ATP6V1C2: variants seen among roughly 807,000 people sequenced by gnomAD.
The protein encoded by ATP6V1C2 is V-type proton ATPase subunit C 2.
ATP6V1C2 carries 45 observed loss-of-function variants against 56.8 expected under a neutral mutation model. The observed-to-expected ratio is 0.79, with a 90% CI of 0.62 to 1.02. ATP6V1C2 has a LOEUF of 1.02. ATP6V1C2 is among the 50% of genes least tolerant of loss of function. ATP6V1C2 has a pLI of 0.00. For synonymous variants in ATP6V1C2, 220 were observed against 201.3 expected (o/e 1.09, Z -0.79); for missense variants, 463 against 519.7 (o/e 0.89, Z 1.06).
intron 10 of ATP6V1C2, among the ~76,000 whole-genome samples, chr2:10,777,238 G>A (rs1398034414): frequency 6.6e-6 from 1 of 152,262 alleles, no homozygotes; most frequent in East Asian, 1.9e-4. Context: ...AGCGCAGAGA[G>A]CCGTTTCCAC....
chr2:10,774,920 G>T, intron 9 of ATP6V1C2, 40 bp downstream of exon 9: 4 of 1,611,652 alleles, frequency 2.5e-6, no homozygotes, highest in Non-Finnish European at 3.4e-6. Context: ...CCGCTGCGGG[G>T]GGTCTCTGCC....
upstream of ATP6V1C2, among the ~76,000 whole-genome samples, chr2:10,721,120 G>A (rs1017949357): frequency 6.6e-6 from 1 of 152,152 alleles, no homozygotes; most frequent in African/African-American, 2.4e-5. Flanking sequence ...GAAAAGCTTC[G>A]CTGTCTACGC....
At chr2:10,775,620 C>A (rs1280793095) in intron 10 of ATP6V1C2, among the ~76,000 whole-genome samples, 1 of 152,176 alleles carries the variant, frequency 6.6e-6, no homozygotes, top group African/African-American at 2.4e-5. Context: ...CACTCAGAAA[C>A]CCTTCACGGA....
chr2:10,762,920 C>T (rs1038757885), intron 4 of ATP6V1C2, among the ~76,000 whole-genome samples: 4 of 152,142 alleles, frequency 2.6e-5, no homozygotes, highest in Non-Finnish European at 5.9e-5. Context: ...TCCCCTGGAG[C>T]CTCCTCCACA....
Position 10,763,942 on chromosome 2 carries a change from G to T in ATP6V1C2, c.284-389G>T, listed in dbSNP as rs1214251371. Among the ~76,000 whole-genome samples the T allele has an allele frequency of 6.6e-6, 1 of 151,906 alleles. No homozygotes were observed. Among genetic ancestry groups the T allele is most frequent in the African/African-American group, 2.4e-5 (1 of 41,390 alleles). ...GGCAGTGGGTTTTGGGGAAAGAAAA[G>T]AAAAAAAGGAAATGCTTGAAAACAC... is the stretch of plus-strand genomic sequence containing the variant. On this transcript the variant is annotated intron_variant, in intron 4 of 13. Transcript: ENST00000272238. The surrounding 1 kb of genome is among the most constrained non-coding windows in gnomAD (Gnocchi z 4.2).
At chr2:10,735,176 G>T (rs1662183442) in intron 3 of ATP6V1C2, among the ~76,000 whole-genome samples, 1 of 152,130 alleles carries the variant, frequency 6.6e-6, no homozygotes, top group African/African-American at 2.4e-5. Context: ...GTGGTGACTA[G>T]ACCTTTTTTT....
intron 4 of ATP6V1C2, among the ~76,000 whole-genome samples, chr2:10,756,276 C>T (rs1663547919): frequency 6.6e-6 from 1 of 152,112 alleles, no homozygotes; most frequent in Admixed American, 6.6e-5. Flanking sequence ...AGGAGAATTG[C>T]TTGAACCCGG....
At chr2:10,761,938 G>A (rs1214654108) in intron 4 of ATP6V1C2, among the ~76,000 whole-genome samples, 1 of 152,138 alleles carries the variant, frequency 6.6e-6, no homozygotes, top group East Asian at 1.9e-4. Flanking sequence ...TTTGGTTGCC[G>A]GGCAGGTTCC....
At chr2:10,757,794 T>A (rs1663642286) in intron 4 of ATP6V1C2, among the ~76,000 whole-genome samples, 1 of 152,224 alleles carries the variant, frequency 6.6e-6, no homozygotes, top group African/African-American at 2.4e-5. Context: ...CCCGACTGCC[T>A]GCTCTTTGAG....
chr2:10,761,758 A>G (rs1380782106), intron 4 of ATP6V1C2, among the ~76,000 whole-genome samples: 1 of 152,216 alleles, frequency 6.6e-6, no homozygotes, highest in Non-Finnish European at 1.5e-5. Context: ...GTCCCTTCTT[A>G]TATGGCCTCG....
intron 3 of ATP6V1C2, among the ~76,000 whole-genome samples, chr2:10,750,584 A>G (rs1663153901): frequency 6.6e-6 from 1 of 152,116 alleles, no homozygotes; most frequent in Non-Finnish European, 1.5e-5. Context: ...AGCACTAAAC[A>G]GTCATTAGCA....
upstream of ATP6V1C2, chr2:10,721,059 A>G: frequency 6.6e-6 from 1 of 151,922 alleles, no homozygotes. Flanking sequence ...GGAGAGGGTG[A>G]GGTGGGAGTT....
In ATP6V1C2 at chr2:10,770,574, A is replaced by G. The variant is rs554284744; in HGVS notation, c.471-1265A>G. ...CTTAGAGCCCACAGGCCATGGGGCC[A>G]TCCACTCGCATGGCATCACCCTGAG... is the stretch of plus-strand genomic sequence containing the variant. On this transcript the variant is annotated intron_variant, in intron 6 of 13. Coordinates refer to ENST00000272238, the MANE Select transcript of ATP6V1C2 (RefSeq NM_001039362.2). Among the ~76,000 whole-genome samples, 14 of 152,372 alleles carry G rather than the reference A, an allele frequency of 9.2e-5. No homozygotes were observed. In the South Asian group the frequency reaches 2.7e-3, roughly 29 times the overall value.
At position 10,784,124 on chromosome 2, in the gene ATP6V1C2, G is replaced by T; in HGVS notation, c.*861G>T. ...GTTCACTGTTGCAGTGTTTTCAAATGACCAATCAAGTACTACTTCTTGGTT... is the reference window on the plus strand; with the variant it reads ...GTTCACTGTTGCAGTGTTTTCAAATTACCAATCAAGTACTACTTCTTGGTT... On this transcript the variant is annotated 3_prime_UTR_variant, in exon 14 of 14. Coordinates refer to ENST00000272238, the MANE Select transcript of ATP6V1C2 (RefSeq NM_001039362.2). 1 of 524,164 alleles carries T rather than the reference G, an allele frequency of 1.9e-6. No individual in the cohort carries two copies. The highest frequency in any genetic ancestry group is 3.3e-6 in the Non-Finnish European group (1 of 300,938). The allele number at this position is 524,164 out of a possible 1,614,324, so 32.5% of individuals were successfully genotyped here.
At chr2:10,731,321 G>A (rs1483943006) in intron 3 of ATP6V1C2, among the ~76,000 whole-genome samples, 2 of 152,132 alleles carry the variant, frequency 1.3e-5, no homozygotes, top group South Asian at 4.1e-4. Flanking sequence ...GCTCTCAGAC[G>A]AATGAAGGGA....
intron 4 of ATP6V1C2, 124 bp downstream of exon 4, chr2:10,754,190 G>A (rs904381488): frequency 1.4e-6 from 1 of 696,684 alleles, no homozygotes; most frequent in Non-Finnish European, 2.5e-6. Context: ...GCTCTGGATT[G>A]ACACATTGGG....
intron 8 of ATP6V1C2, among the ~76,000 whole-genome samples, chr2:10,773,375 C>T (rs1664753993): frequency 6.6e-6 from 1 of 152,108 alleles, no homozygotes. Context: ...GGTGGCTGAT[C>T]CAAAGCTGCG....
intron 3 of ATP6V1C2, among the ~76,000 whole-genome samples, chr2:10,751,031 G>A (rs1663185531): frequency 6.6e-6 from 1 of 152,204 alleles, no homozygotes; most frequent in Non-Finnish European, 1.5e-5. Context: ...TATGGAGTCA[G>A]GGTCCCAACA....
intron 4 of ATP6V1C2, among the ~76,000 whole-genome samples, chr2:10,760,221 A>G (rs1017508660): frequency 2.0e-5 from 3 of 151,994 alleles, no homozygotes; most frequent in East Asian, 1.9e-4. Context: ...AATACAAAAA[A>G]TGGCTGGGTG....
Sources: allele counts gnomAD v4.1 joint callset (sites outside exome capture counted in the v4.1 genomes callset), GRCh38; gene constraint gnomAD v4.1.1; non-coding constraint Gnocchi (gnomAD v3.1); transcripts MANE v1.5; gene names NCBI Gene and HGNC (gene_info 2026-07-23, HGNC 2026-07-21).